Variants in VAV3 observed in about 807,000 individuals in gnomAD.
VAV3 encodes the protein guanine nucleotide exchange factor VAV3.
In VAV3, 94 loss-of-function variants were observed where a neutral mutation model predicts 131.2. The observed-to-expected ratio is 0.72, with a 90% CI of 0.61 to 0.85. The LOEUF is 0.85. VAV3 is among the 40% of genes least tolerant of loss of function. VAV3 has a pLI of 0.00. For missense variants in VAV3, 939 were observed against 1,002.7 expected (o/e 0.94, Z 0.86); for synonymous variants, 349 against 342.0 (o/e 1.02, Z -0.22).
At chr1:107,912,431 C>T (rs1353785727) in intron 1 of VAV3, among the ~76,000 whole-genome samples, 2 of 152,106 alleles carry the variant, frequency 1.3e-5, no homozygotes, top group African/African-American at 4.8e-5. Flanking sequence ...AACTTAAAGG[C>T]TTATCCTCTG....
rs149966916 is a variant in VAV3, at chr1:107,878,287, A to C, written c.205-3270T>G. Among the ~76,000 whole-genome samples, 623 of 152,328 alleles carry C rather than the reference A, an allele frequency of 4.1e-3. 4 individuals carry two copies. Among genetic ancestry groups the C allele is most frequent in the African/African-American group, 0.014 (585 of 41,570 alleles). The stretch of plus-strand genomic sequence containing the variant: ...CAGATCAACAATACCATTATATCTA[A>C]GAAAATTAACAATAATTTCATATTA... On this transcript the variant is annotated intron_variant, in intron 1 of 26. Coordinates refer to ENST00000370056, the MANE Select transcript of VAV3 (RefSeq NM_006113.5).
At chr1:107,617,528 CA>C in intron 21 of VAV3, 38 bp downstream of exon 21, 1 of 1,569,442 alleles carries the variant, frequency 6.4e-7, no homozygotes, top group South Asian at 1.2e-5. Context: ...GGATCAAAAA[CA>C]AAATGAAGCA....
chr1:107,621,199 A>G (rs965245966), intron 20 of VAV3, among the ~76,000 whole-genome samples: 1 of 152,018 alleles, frequency 6.6e-6, no homozygotes, highest in Non-Finnish European at 1.5e-5. Flanking sequence ...TTCCTTAATA[A>G]AATGCCCTAG....
chr1:107,832,213 G>A (rs1668284476), intron 2 of VAV3, among the ~76,000 whole-genome samples: 1 of 152,136 alleles, frequency 6.6e-6, no homozygotes, highest in African/African-American at 2.4e-5. Flanking sequence ...ATGATCTAAT[G>A]GACTAATGGA....
intron 17 of VAV3, among the ~76,000 whole-genome samples, chr1:107,688,815 C>T (rs1186259995): frequency 3.9e-5 from 6 of 152,154 alleles, no homozygotes; most frequent in Non-Finnish European, 8.8e-5. Context: ...ACTGCATTGA[C>T]GATTTGTAAC....
intron 1 of VAV3, among the ~76,000 whole-genome samples, chr1:107,876,522 T>C (rs1670505535): frequency 6.6e-6 from 1 of 152,096 alleles, no homozygotes; most frequent in Non-Finnish European, 1.5e-5. Context: ...GTTCCCCAAA[T>C]GTAGTCCTGA....
chr1:107,633,468 T>C (rs1238844850), intron 20 of VAV3, among the ~76,000 whole-genome samples: 3 of 152,184 alleles, frequency 2.0e-5, no homozygotes, highest in East Asian at 3.8e-4. Flanking sequence ...GAAAAACTGA[T>C]TGGCTTTCAG....
At chr1:107,584,636 T>C (rs910539339) in intron 25 of VAV3, among the ~76,000 whole-genome samples, 3 of 152,214 alleles carry the variant, frequency 2.0e-5, no homozygotes, top group African/African-American at 7.2e-5. Context: ...TTTCATTTAA[T>C]TGAATGCTGA....
At chr1:107,736,385 G>C (rs964201810) in intron 15 of VAV3, among the ~76,000 whole-genome samples, 1 of 152,104 alleles carries the variant, frequency 6.6e-6, no homozygotes, top group Non-Finnish European at 1.5e-5. Flanking sequence ...AAGAAATAAA[G>C]GGTATTCAAT....
intron 21 of VAV3, among the ~76,000 whole-genome samples, chr1:107,616,546 T>C (rs907090096): frequency 6.6e-6 from 1 of 152,128 alleles, no homozygotes; most frequent in African/African-American, 2.4e-5. Context: ...ACATGCAATT[T>C]ACCCAAATAA....
intron 25 of VAV3, among the ~76,000 whole-genome samples, chr1:107,586,247 A>G (rs893387447): frequency 1.3e-5 from 2 of 151,478 alleles, no homozygotes; most frequent in East Asian, 1.9e-4. Flanking sequence ...TGGCATCTCC[A>G]TTAGAGTAGG....
chr1:107,814,779 G>A (rs1158253165), intron 2 of VAV3, among the ~76,000 whole-genome samples: 1 of 152,106 alleles, frequency 6.6e-6, no homozygotes, highest in African/African-American at 2.4e-5. Context: ...CAGTGCTTAT[G>A]GAAGAATATT....
intron 1 of VAV3, among the ~76,000 whole-genome samples, chr1:107,929,273 G>C (rs1673305478): frequency 8.5e-6 from 1 of 117,060 alleles, no homozygotes; most frequent in Non-Finnish European, 1.7e-5. Context: ...GGGTGACAGA[G>C]TGACACTCTG....
At position 107,732,820 on chromosome 1, in the gene VAV3, G is replaced by A. The variant is rs147972199; in HGVS notation, c.1502+16148C>T. Among the ~76,000 whole-genome samples, 217 of 152,340 alleles carry A rather than the reference G, an allele frequency of 1.4e-3. 4 individuals are homozygous for A. The East Asian group carries it at 0.038, about 27-fold the overall frequency. ...ATAAAAGGCAGCAGAAACGTTTGCA[G>A]ACTAAAATGTCCCTGTCTGGCAGCT... On this transcript the variant is annotated intron_variant, in intron 15 of 26. Transcript: ENST00000370056.
intron 15 of VAV3, among the ~76,000 whole-genome samples, chr1:107,718,380 C>T (rs555159962): frequency 3.0e-3 from 457 of 151,990 alleles, no homozygotes; most frequent in East Asian, 8.9e-3. Flanking sequence ...AAAATCAAGG[C>T]GCAAAAATCA....
At chr1:107,834,358 C>G (rs1211201775) in intron 2 of VAV3, among the ~76,000 whole-genome samples, 1 of 152,088 alleles carries the variant, frequency 6.6e-6, no homozygotes, top group East Asian at 1.9e-4. Context: ...AACTCTTAAA[C>G]CACTGGGCCC....
intron 1 of VAV3, among the ~76,000 whole-genome samples, chr1:107,943,225 G>A (rs1288895024): frequency 6.6e-6 from 1 of 151,958 alleles, no homozygotes; most frequent in African/African-American, 2.4e-5. Flanking sequence ...ATATTTATGG[G>A]ATATAGAGTG....
intron 2 of VAV3, among the ~76,000 whole-genome samples, chr1:107,808,180 T>C (rs781128882): frequency 1.3e-5 from 2 of 152,164 alleles, no homozygotes; most frequent in Admixed American, 1.3e-4. Flanking sequence ...AACATTTCCA[T>C]CTTTAGTAGA....
At position 107,754,795 on chromosome 1, in the gene VAV3, C is replaced by T. The variant is rs145287532; in HGVS notation, c.1173+632G>A. On this transcript the variant is annotated intron_variant, in intron 12 of 26. Coordinates refer to ENST00000370056, the MANE Select transcript of VAV3 (RefSeq NM_006113.5). ...TGCCCAACTCTGAGCATTTCACCTG[C>T]TACGGCTTCTGCCTGGGTCACTTTC... 1.1e-3 allele frequency among the ~76,000 whole-genome samples: 169 copies of T among 152,226 alleles called. 1 individual carries two copies. The highest frequency in any genetic ancestry group is 2.8e-3 in the Admixed American group (43 of 15,282).
Sources: gnomAD v4.1 joint callset for allele counts (sites outside exome capture counted in the v4.1 genomes callset) on GRCh38, gnomAD v4.1.1 for gene constraint, MANE v1.5 for transcripts, NCBI Gene and HGNC (gene_info 2026-07-23, HGNC 2026-07-21) for gene names.